The following NRXN1 variants were observed in gnomAD, a reference collection of about 807,000 sequenced individuals.
The protein encoded by NRXN1 is neurexin-1.
In NRXN1, 39 loss-of-function variants were observed where a neutral mutation model predicts 150.9. The ratio of observed to expected loss-of-function variants is 0.26; its 90% confidence interval spans 0.20 to 0.34. The LOEUF is 0.34. NRXN1 is among the 10% of genes least tolerant of loss of function. NRXN1 has a pLI of 1.00. For synonymous variants in NRXN1, 924 were observed against 757.0 expected (o/e 1.22, Z -3.62); for missense variants, 1,815 against 1,949.9 (o/e 0.93, Z 1.30).
intron 5 of NRXN1, among the ~76,000 whole-genome samples, chr2:50,873,226 C>T (rs926049250): frequency 4.9e-4 from 75 of 151,586 alleles, no homozygotes; most frequent in African/African-American, 1.6e-3. Context: ...TTTATAAAGC[C>T]GTAAGAATGG....
chr2:50,413,465 T>C (rs1572880658), intron 17 of NRXN1, among the ~76,000 whole-genome samples: 1 of 152,034 alleles, frequency 6.6e-6, no homozygotes, highest in African/African-American at 2.4e-5. Context: ...GAAATGCCAA[T>C]CAAAACTACA....
intron 5 of NRXN1, among the ~76,000 whole-genome samples, chr2:50,721,293 AAC>A (rs1022054896): frequency 6.6e-6 from 1 of 152,114 alleles, no homozygotes; most frequent in African/African-American, 2.4e-5. Context: ...GATAATCTAC[AAC>A]ACTCTTTCAT....
intron 5 of NRXN1, among the ~76,000 whole-genome samples, chr2:50,859,838 T>TTGTGTGTGTGTGTG (rs58904379): frequency 7.3e-4 from 108 of 147,674 alleles, no homozygotes; most frequent in African/African-American, 2.6e-3. Context: ...ACAATTATGT[T>TTGTGTGTGTGTGTG]TGTGTGTGTG....
rs1683280255 is a variant in NRXN1, at chr2:49,998,057, T to C, written c.4129-54266A>G. On this transcript the variant is annotated intron_variant, in intron 21 of 22. Coordinates refer to ENST00000401669, the MANE Select transcript of NRXN1 (RefSeq NM_001330078.2). ...ATGACCTTTCCCAACAGAAATGCCA[T>C]GATGTTTAGCCATCAAGCAGAAATT... 3.3e-5 allele frequency among the ~76,000 whole-genome samples: 5 copies of C among 152,292 alleles called. 1 individual carries two copies. In the South Asian group the frequency reaches 8.3e-4, roughly 25 times the overall value.
chr2:50,775,573 C>T (rs1703514303), intron 5 of NRXN1, among the ~76,000 whole-genome samples: 1 of 152,070 alleles, frequency 6.6e-6, no homozygotes, highest in Admixed American at 6.6e-5. Flanking sequence ...ACAAACAAAA[C>T]TATAAAGAGT....
intron 19 of NRXN1, among the ~76,000 whole-genome samples, chr2:50,089,655 T>A (rs1252064264): frequency 6.6e-6 from 1 of 151,892 alleles, no homozygotes; most frequent in Admixed American, 6.6e-5. Flanking sequence ...CCAGGCATGG[T>A]GGTGTGCACC....
At chr2:49,950,952 G>T (rs1673843250) in intron 21 of NRXN1, among the ~76,000 whole-genome samples, 1 of 151,828 alleles carries the variant, frequency 6.6e-6, no homozygotes, top group South Asian at 2.1e-4. Context: ...CTGTCTGCTT[G>T]GGAAAAAGGC....
At chr2:50,247,576 C>T (rs1440307811) in intron 17 of NRXN1, among the ~76,000 whole-genome samples, 1 of 152,094 alleles carries the variant, frequency 6.6e-6, no homozygotes, top group Non-Finnish European at 1.5e-5. Flanking sequence ...AATGCATAGT[C>T]TCAATCTAAT....
Position 50,004,474 on chromosome 2 carries a change from C to T in NRXN1, c.4128+48797G>A, listed in dbSNP as rs1421578. Reference sequence around the variant, plus strand: ...CATTTTATTTTCTGTTTAGTGGTTGCTGTAGTTTTCTTGAGTCTTCTCCCT... The same window carrying T: ...CATTTTATTTTCTGTTTAGTGGTTGTTGTAGTTTTCTTGAGTCTTCTCCCT... On this transcript the variant is annotated intron_variant, in intron 21 of 22. Transcript: ENST00000401669. Among the ~76,000 whole-genome samples the T allele has an allele frequency of 4.6e-3, 704 of 152,138 alleles. 5 individuals are homozygous for T. Among genetic ancestry groups the T allele is most frequent in the African/African-American group, 0.016 (648 of 41,520 alleles).
intron 17 of NRXN1, among the ~76,000 whole-genome samples, chr2:50,261,885 G>A (rs1053644071): frequency 2.6e-5 from 4 of 151,802 alleles, no homozygotes; most frequent in Non-Finnish European, 5.9e-5. Context: ...CTAATTCCTT[G>A]CTTTGTGACT....
At chr2:49,983,371 A>G (rs1272130851) in intron 21 of NRXN1, among the ~76,000 whole-genome samples, 1 of 152,180 alleles carries the variant, frequency 6.6e-6, no homozygotes, top group Non-Finnish European at 1.5e-5. Flanking sequence ...ACTCAAGTCA[A>G]AATCTGTGGC....
chr2:49,922,550 A>C (rs920971276), intron 22 of NRXN1, among the ~76,000 whole-genome samples: 1 of 152,108 alleles, frequency 6.6e-6, no homozygotes, highest in Non-Finnish European at 1.5e-5. Flanking sequence ...CATGTGGGTG[A>C]CTTAAGTAAA....
chr2:50,318,229 T>C (rs1438757080), intron 17 of NRXN1, among the ~76,000 whole-genome samples: 1 of 152,070 alleles, frequency 6.6e-6, no homozygotes, highest in Non-Finnish European at 1.5e-5. Flanking sequence ...ACATCATTAG[T>C]AATCAGGAGA....
intron 18 of NRXN1, among the ~76,000 whole-genome samples, chr2:50,179,652 T>C (rs1230670117): frequency 6.6e-6 from 1 of 152,144 alleles, no homozygotes; most frequent in Non-Finnish European, 1.5e-5. Flanking sequence ...ATGCTACCAA[T>C]CTATGACCCC....
At chr2:50,707,493 T>C (rs1252142516) in intron 5 of NRXN1, among the ~76,000 whole-genome samples, 1 of 152,194 alleles carries the variant, frequency 6.6e-6, no homozygotes, top group African/African-American at 2.4e-5. Context: ...TGGCAGACGT[T>C]ATCTTGTACT....
At chr2:50,596,166 C>T (rs923925718) in intron 8 of NRXN1, among the ~76,000 whole-genome samples, 1 of 152,160 alleles carries the variant, frequency 6.6e-6, no homozygotes, top group Non-Finnish European at 1.5e-5. Context: ...CTAAGAAAAA[C>T]AACCAAATAA....
intron 18 of NRXN1, among the ~76,000 whole-genome samples, chr2:50,224,219 C>A (rs1317770812): frequency 6.6e-6 from 1 of 151,776 alleles, no homozygotes; most frequent in African/African-American, 2.4e-5. Flanking sequence ...CTGAAATTTT[C>A]CTTTGTACAA....
intron 17 of NRXN1, among the ~76,000 whole-genome samples, chr2:50,403,794 G>T (rs1173345023): frequency 6.6e-6 from 1 of 152,030 alleles, no homozygotes; most frequent in East Asian, 1.9e-4. Context: ...TTAAAATGCA[G>T]ATTATTTCAT....
chr2:50,147,663 G>A (rs17039997), intron 18 of NRXN1, among the ~76,000 whole-genome samples: 1 of 151,632 alleles, frequency 6.6e-6, no homozygotes, highest in Non-Finnish European at 1.5e-5. Context: ...CCATTCTAGT[G>A]ATAAGACATC....
Sources: gnomAD v4.1 joint callset for allele counts (sites outside exome capture counted in the v4.1 genomes callset) on GRCh38, gnomAD v4.1.1 for gene constraint, MANE v1.5 for transcripts, NCBI Gene and HGNC (gene_info 2026-07-23, HGNC 2026-07-21) for gene names.